Variants in FAM107B observed in about 807,000 individuals in gnomAD.
The protein encoded by FAM107B is family with sequence similarity 107 member B, also known as protein FAM107B.
FAM107B carries 21 observed loss-of-function variants against 31.5 expected under a neutral mutation model. The observed-to-expected ratio is 0.67, with a 90% CI of 0.47 to 0.96. The LOEUF (loss-of-function observed/expected upper bound fraction) is 0.96, where lower values mean the gene tolerates loss of function less well. FAM107B is among the 40% of genes least tolerant of loss of function. The probability of loss-of-function intolerance (pLI) is 0.00; values close to 1 mark genes in which losing one functional copy is unlikely to be tolerated. For missense variants in FAM107B, 452 were observed against 377.1 expected (o/e 1.20, Z -1.64); for synonymous variants, 157 against 141.5 (o/e 1.11, Z -0.78).
At chr10:14,699,036 C>A (rs1855332207) in intron 1 of FAM107B, among the ~76,000 whole-genome samples, 1 of 150,098 alleles carries the variant, frequency 6.7e-6, no homozygotes, top group African/African-American at 2.4e-5. Context: ...AGAGTGGGTA[C>A]CCTGCGAGCA....
rs543887695 is a variant in FAM107B at position 14,558,368 on chromosome 10, C to A, written c.470-27853G>T. On this transcript the variant is annotated intron_variant, in intron 2 of 4. Coordinates refer to ENST00000181796, the MANE Select transcript of FAM107B (RefSeq NM_031453.4). ...TAGCTTTCAGAAGACTCAGGGTAAACAAGATACCTAATTAAATTATTTCAC... is the reference window on the plus strand; with the variant it reads ...TAGCTTTCAGAAGACTCAGGGTAAAAAAGATACCTAATTAAATTATTTCAC... Among the ~76,000 whole-genome samples, 5 of 152,338 alleles carry A rather than the reference C, an allele frequency of 3.3e-5. 1 individual carries two copies. The highest frequency in any genetic ancestry group is 1.2e-4 in the African/African-American group (5 of 41,578).
chr10:14,681,205 G>T (rs949176305), intron 1 of FAM107B, among the ~76,000 whole-genome samples: 2 of 152,232 alleles, frequency 1.3e-5, no homozygotes, highest in African/African-American at 4.8e-5. Flanking sequence ...GAAATGCAGA[G>T]GACCTGGCCC....
At chr10:14,610,247 G>T (rs1450728120) in intron 2 of FAM107B, among the ~76,000 whole-genome samples, 1 of 152,060 alleles carries the variant, frequency 6.6e-6, no homozygotes, top group African/African-American at 2.4e-5. Context: ...GGAGGCTGAG[G>T]CAGGAGAATG....
chr10:14,648,056 A>G (rs1853804377), intron 2 of FAM107B, among the ~76,000 whole-genome samples: 1 of 150,182 alleles, frequency 6.7e-6, no homozygotes. Flanking sequence ...ATATTTGAAA[A>G]GACGTGCCAA....
intron 1 of FAM107B, among the ~76,000 whole-genome samples, chr10:14,757,360 T>C (rs1036983586): frequency 4.6e-5 from 7 of 151,344 alleles, no homozygotes; most frequent in Non-Finnish European, 8.8e-5. Context: ...CCTGCCTGAG[T>C]TTCCAGGCTG....
intron 1 of FAM107B, among the ~76,000 whole-genome samples, chr10:14,672,567 A>T (rs1181311966): frequency 6.6e-6 from 1 of 152,232 alleles, no homozygotes; most frequent in Admixed American, 6.5e-5. Context: ...GTAAAAAGAT[A>T]GTTTATAACC....
intron 2 of FAM107B, among the ~76,000 whole-genome samples, chr10:14,622,274 G>A (rs959100307): frequency 5.3e-5 from 8 of 151,730 alleles, no homozygotes; most frequent in African/African-American, 1.9e-4. Flanking sequence ...AATAAATGCT[G>A]TGATGGACAA....
chr10:14,541,851 C>T (rs1056063619), intron 2 of FAM107B, among the ~76,000 whole-genome samples: 5 of 152,258 alleles, frequency 3.3e-5, no homozygotes, highest in South Asian at 2.1e-4. Flanking sequence ...CTGGAGCTGC[C>T]GACTCCTTGT....
intron 1 of FAM107B, among the ~76,000 whole-genome samples, chr10:14,771,409 G>C (rs563997770): frequency 6.6e-6 from 1 of 152,280 alleles, no homozygotes; most frequent in East Asian, 1.9e-4. Context: ...TCGAGTATTC[G>C]ATAGTACGGT....
chr10:14,718,399 GAAGA>G lies in FAM107B; in HGVS notation c.412-50712_412-50709del, dbSNP rs1855830151. On this transcript the variant is annotated intron_variant, in intron 1 of 4. Transcript: ENST00000181796. ...AAGAAAGAAAGGAAAGAAAGGAAAG[GAAGA>G]AAGAAAGAGGAAAGAAAGAAAGAAA... Among the ~76,000 whole-genome samples the G allele has an allele frequency of 2.7e-5, 4 of 146,864 alleles. 1 individual carries two copies. The South Asian group carries it at 8.7e-4, about 32-fold the overall frequency.
intron 2 of FAM107B, among the ~76,000 whole-genome samples, chr10:14,622,724 C>T (rs921577642): frequency 6.6e-6 from 1 of 152,192 alleles, no homozygotes; most frequent in Non-Finnish European, 1.5e-5. Context: ...GTCAGTTAAT[C>T]AGAACAGGAA....
intron 2 of FAM107B, among the ~76,000 whole-genome samples, chr10:14,559,108 A>C (rs974986834): frequency 1.5e-5 from 2 of 132,704 alleles, no homozygotes; most frequent in Admixed American, 7.6e-5. Flanking sequence ...TCAAAAAAAA[A>C]AAAAAAAAAC....
intron 2 of FAM107B, among the ~76,000 whole-genome samples, chr10:14,630,431 G>A (rs972922285): frequency 6.6e-6 from 1 of 151,872 alleles, no homozygotes; most frequent in Non-Finnish European, 1.5e-5. Context: ...ATGCACTGAG[G>A]CAGAGTTGAA....
chr10:14,663,948 C>T (rs1253600611), intron 2 of FAM107B, among the ~76,000 whole-genome samples: 2 of 144,820 alleles, frequency 1.4e-5, no homozygotes, highest in Non-Finnish European at 3.0e-5. Flanking sequence ...ACTTGGAATC[C>T]AATTTACAGT....
At chr10:14,667,805 C>T in intron 1 of FAM107B, 114 bp from the exon 2 acceptor site, 1 of 1,046,330 alleles carries the variant, frequency 9.6e-7, no homozygotes, top group Non-Finnish European at 1.4e-6. Flanking sequence ...ACTTGAAAAA[C>T]TTAAACCACA....
At chr10:14,658,809 T>C (rs147893408) in intron 2 of FAM107B, among the ~76,000 whole-genome samples, 236 of 152,382 alleles carry the variant, frequency 1.5e-3, no homozygotes, top group African/African-American at 5.6e-3. Flanking sequence ...GCATTCATTA[T>C]GTTTGCAGCA....
chr10:14,693,835 A>G (rs891604224), intron 1 of FAM107B, among the ~76,000 whole-genome samples: 19 of 152,102 alleles, frequency 1.2e-4, no homozygotes, highest in African/African-American at 4.6e-4. Context: ...CTTTTTTTCC[A>G]TATGTAAGTG....
chr10:14,741,225 G>T (rs1037412656), intron 1 of FAM107B, among the ~76,000 whole-genome samples: 1 of 152,172 alleles, frequency 6.6e-6, no homozygotes, highest in African/African-American at 2.4e-5. Flanking sequence ...CTGAGATATT[G>T]AGCAGATTGT....
chr10:14,540,678 C>T (rs12359405), intron 2 of FAM107B, among the ~76,000 whole-genome samples: 5,657 of 152,338 alleles, frequency 0.037, 152 homozygotes, highest in Non-Finnish European at 0.057. Flanking sequence ...ACACCTTTAC[C>T]CCTTCTGCTA....
Sources: gnomAD v4.1 joint callset for allele counts (sites outside exome capture counted in the v4.1 genomes callset) on GRCh38, gnomAD v4.1.1 for gene constraint, MANE v1.5 for transcripts, NCBI Gene and HGNC (gene_info 2026-07-23, HGNC 2026-07-21) for gene names.